MANSC4: variants seen among roughly 807,000 people sequenced by gnomAD.
The protein encoded by MANSC4 is MANSC domain-containing protein 4.
Under a neutral mutation model 11.4 loss-of-function variants are expected in MANSC4, and 11 were observed. That is an observed-to-expected ratio of 0.97 (90% CI 0.61 to 1.60). The LOEUF is 1.60. Ranked by LOEUF, MANSC4 falls within the 40% of genes most tolerant of loss-of-function variation. MANSC4 has a pLI of 0.00. For synonymous variants in MANSC4, 123 were observed against 147.1 expected (o/e 0.84, Z 1.19); for missense variants, 354 against 404.6 (o/e 0.88, Z 1.07).
chr12:27,766,550 A>AAAATAATTATTTTAGGGACTCACAT, intron 3 of MANSC4, 115 bp downstream of exon 3: 1 of 1,215,876 alleles, frequency 8.2e-7, no homozygotes, highest in Non-Finnish European at 1.1e-6. Flanking sequence ...AGTTCACTGG[A>AAAATAATTATTTTAGGGACTCACAT]AAATAATTAT....
rs983470175 is a variant in MANSC4 at position 27,763,227 on chromosome 12, C to T, written c.534G>A (p.Thr178=). The T allele has an allele frequency of 5.2e-6, 8 of 1,551,484 alleles. No individual in the cohort carries two copies. Among genetic ancestry groups the T allele is most frequent in the African/African-American group, 4.1e-5 (3 of 73,008 alleles). The change falls in exon 4 of 4, where the codon ACG becomes ACA. Residue 178 remains threonine, a synonymous_variant. Transcript: ENST00000381273. ...TTGTGTTTACAACCAAATCTTGATG[C>T]GTGGTTGAGGATGGAGCCTCTGTGG... is the stretch of plus-strand genomic sequence containing the variant. ...LPSTEAPSST[T]HQDLVVNTNS...
At chr12:27,765,965 G>T (rs920933035) in intron 3 of MANSC4, among the ~76,000 whole-genome samples, 2 of 152,074 alleles carry the variant, frequency 1.3e-5, no homozygotes, top group Non-Finnish European at 2.9e-5. Flanking sequence ...AAGTTTCCCT[G>T]AACCTGACAT....
At chr12:27,766,865 G>A in intron 2 of MANSC4, 66 bp from the exon 3 acceptor site, 1 of 1,494,168 alleles carries the variant, frequency 6.7e-7, no homozygotes, top group Non-Finnish European at 9.0e-7. Context: ...CATGAACTCT[G>A]AGTAACTTAG....
intron 3 of MANSC4, among the ~76,000 whole-genome samples, chr12:27,765,511 C>T (rs12814230): frequency 6.6e-6 from 1 of 152,094 alleles, no homozygotes; most frequent in Non-Finnish European, 1.5e-5. Flanking sequence ...TTTGCTTACT[C>T]TCCTGTGGCA....
intron 1 of MANSC4, among the ~76,000 whole-genome samples, chr12:27,778,887 G>C (rs1360312198): frequency 6.6e-6 from 1 of 152,176 alleles, no homozygotes; most frequent in Non-Finnish European, 1.5e-5. Context: ...TCTCTTTTCC[G>C]AGACGGCGTC....
intron 2 of MANSC4, among the ~76,000 whole-genome samples, chr12:27,770,202 AGT>A (rs36070077): frequency 0.16 from 24,814 of 151,956 alleles, 2,486 homozygotes; most frequent in Non-Finnish European, 0.23. Flanking sequence ...AGAGAGAGAG[AGT>A]CAGTCTCACT....
At chr12:27,769,204 G>T (rs569342994) in intron 2 of MANSC4, among the ~76,000 whole-genome samples, 1 of 152,328 alleles carries the variant, frequency 6.6e-6, no homozygotes, top group East Asian at 1.9e-4. Context: ...GTGCTGTAAA[G>T]TTTAAGGGAA....
intron 2 of MANSC4, among the ~76,000 whole-genome samples, chr12:27,767,646 A>G (rs10842976): frequency 0.68 from 102,934 of 151,892 alleles, 35,731 homozygotes; most frequent in African/African-American, 0.83. Context: ...ACAGTGAGCC[A>G]AGATCACGCC....
intron 2 of MANSC4, among the ~76,000 whole-genome samples, chr12:27,768,043 C>T (rs1425966306): frequency 2.0e-5 from 3 of 152,142 alleles, no homozygotes; most frequent in African/African-American, 7.2e-5. Flanking sequence ...AGAATTCTAG[C>T]AGGTGGGGAC....
Position 27,766,702 on chromosome 12 carries a change from C to A in MANSC4, c.327G>T (p.Glu109Asp), listed in dbSNP as rs2062073693. The A allele has an allele frequency of 6.4e-7, 1 of 1,551,548 alleles. No homozygotes were observed. Among genetic ancestry groups the A allele is most frequent in the South Asian group, 1.2e-5 (1 of 84,060 alleles). ...HCPTLESCILEPGTSAILYNI... is the reference protein window; with the variant it reads ...HCPTLESCILDPGTSAILYNI... Reference sequence around the variant, plus strand: ...TGTACAAAATGGCACTGGTTCCAGGCTCTAATATGCAGCTCTCCAGTGTTG... The same window carrying A: ...TGTACAAAATGGCACTGGTTCCAGGATCTAATATGCAGCTCTCCAGTGTTG... Residue 109 changes from glutamate (E) to aspartate (D), a missense_variant, in exon 3 of 4, where the codon GAG becomes GAT. Glu to Asp is a conservative substitution (Grantham distance 45, BLOSUM62 2). Transcript: ENST00000381273.
rs1210326495 is a variant in MANSC4 at position 27,762,973 on chromosome 12, T to C, written c.788A>G (p.Lys263Arg). The stretch of plus-strand genomic sequence containing the variant: ...TGTGTGGTTTCTGCTATTGTATCCT[T>C]TGGTTTTGTTTAGTAATTGTTTGCT... ...NSSKQLLNKT[K>R]GYNSRNHTSA... Residue 263 changes from lysine to arginine, a missense_variant, in exon 4 of 4, where the codon AAA (lysine) becomes AGA (arginine). Physicochemically the swap from Lys to Arg is conservative, Grantham distance 26. Coordinates refer to ENST00000381273, the MANE Select transcript of MANSC4 (RefSeq NM_001146221.5). The C allele has an allele frequency of 1.3e-6, 2 of 1,551,688 alleles. No homozygotes were observed. The highest frequency in any genetic ancestry group is 2.7e-5 in the African/African-American group (2 of 73,046).
At position 27,771,220 on chromosome 12, in the gene MANSC4, T is replaced by C. The variant is rs1323108340; in HGVS notation, c.57A>G (p.Thr19=). 5.2e-6 allele frequency: 8 copies of C among 1,551,912 alleles called. No individual in the cohort carries two copies. In the East Asian group the frequency reaches 2.0e-4, roughly 38 times the overall value. Residue 19 remains threonine (T), a synonymous_variant, in exon 2 of 4, where the codon ACA becomes ACG. Transcript: ENST00000381273. ...NVILLLSMGW[T]SDSLCSPTIF... ...TTGTGGGTGAGCAGAGAGAGTCTGA[T>C]GTCCACCCCATGCTTAGGAGCAATA...
chr12:27,763,491 T>C, intron 3 of MANSC4, 95 bp from the exon 4 acceptor site: 1 of 1,180,536 alleles, frequency 8.5e-7, no homozygotes, highest in Non-Finnish European at 1.2e-6. Context: ...TTTGCCGCTA[T>C]GAGTTATCGA....
At chr12:27,773,495 AC>A (rs1486151918) in intron 1 of MANSC4, among the ~76,000 whole-genome samples, 8 of 152,160 alleles carry the variant, frequency 5.3e-5, no homozygotes, top group Non-Finnish European at 1.2e-4. Flanking sequence ...GTTATCAAAT[AC>A]CCAGAACCAC....
chr12:27,770,614 G>A (rs1399603092), intron 2 of MANSC4, among the ~76,000 whole-genome samples: 3 of 152,124 alleles, frequency 2.0e-5, no homozygotes, highest in South Asian at 2.1e-4. Context: ...TGAGGCAGGA[G>A]GATCACCTGA....
At chr12:27,776,657 G>T (rs1452891150) in intron 1 of MANSC4, among the ~76,000 whole-genome samples, 1 of 152,028 alleles carries the variant, frequency 6.6e-6, no homozygotes, top group Non-Finnish European at 1.5e-5. Context: ...TTGAACCTGG[G>T]AGGCCTCTGG....
chr12:27,772,283 A>G (rs1021168159), intron 1 of MANSC4, among the ~76,000 whole-genome samples: 1 of 152,226 alleles, frequency 6.6e-6, no homozygotes, highest in Non-Finnish European at 1.5e-5. Context: ...TATATGAAGC[A>G]TTAGTGATAA....
intron 1 of MANSC4, chr12:27,779,891 C>T (rs948571258): frequency 1.3e-5 from 2 of 151,344 alleles, no homozygotes; most frequent in African/African-American, 4.8e-5. Context: ...CGCAGCTGCG[C>T]GTCCGCAGCC....
At position 27,762,678 on chromosome 12, in the gene MANSC4, T is replaced by A; in HGVS notation, c.*60A>T. On this transcript the variant is annotated 3_prime_UTR_variant, in exon 4 of 4. Coordinates refer to ENST00000381273, the MANE Select transcript of MANSC4 (RefSeq NM_001146221.5). ...TTTTTTTTTTTTAACCAAACTGCGT[T>A]TTCTTACACAAAACTAAAAATGATA... 7.1e-7 allele frequency: 1 copy of A among 1,412,560 alleles called. No homozygotes were observed. Among genetic ancestry groups the A allele is most frequent in the Non-Finnish European group, 9.3e-7 (1 of 1,071,022 alleles). The allele number at this position is 1,412,560 out of a possible 1,614,324, so 87.5% of individuals were successfully genotyped here.
Sources: allele counts gnomAD v4.1 joint callset (sites outside exome capture counted in the v4.1 genomes callset), GRCh38; gene constraint gnomAD v4.1.1; transcripts MANE v1.5; gene names NCBI Gene and HGNC (gene_info 2026-07-23, HGNC 2026-07-21).